Variants in SNX29 observed in about 807,000 individuals in gnomAD.
The protein encoded by SNX29 is sorting nexin-29.
SNX29 carries 78 observed loss-of-function variants against 102.1 expected under a neutral mutation model. That is an observed-to-expected ratio of 0.76 (90% CI 0.64 to 0.92). The LOEUF (loss-of-function observed/expected upper bound fraction) is 0.92, where lower values mean the gene tolerates loss of function less well. Among genes scored for constraint, SNX29 ranks in the 40% least tolerant of loss-of-function variants. The pLI, the probability that SNX29 is intolerant of heterozygous loss-of-function variation, is 0.00. For missense variants in SNX29, 1,280 were observed against 1,061.7 expected (o/e 1.21, Z -2.86); for synonymous variants, 580 against 414.5 (o/e 1.40, Z -4.85).
intron 11 of SNX29, among the ~76,000 whole-genome samples, chr16:12,083,007 A>C (rs2869808): frequency 0.22 from 33,147 of 151,986 alleles, 3,813 homozygotes; most frequent in South Asian, 0.31. Flanking sequence ...TTCAACAACA[A>C]AAACTTATTT....
At chr16:12,085,439 G>T (rs543562690) in intron 11 of SNX29, among the ~76,000 whole-genome samples, 48 of 152,292 alleles carry the variant, frequency 3.2e-4, no homozygotes, top group African/African-American at 1.1e-3. Context: ...TGATTCTACT[G>T]CCTCTGCCTT....
intron 19 of SNX29, among the ~76,000 whole-genome samples, chr16:12,501,406 T>C (rs556942383): frequency 6.6e-6 from 1 of 151,336 alleles, no homozygotes; most frequent in South Asian, 2.1e-4. Flanking sequence ...GCTATCTCTT[T>C]AAAAACAAAC....
At chr16:12,288,508 G>A (rs574962886) in intron 15 of SNX29, among the ~76,000 whole-genome samples, 7 of 152,128 alleles carry the variant, frequency 4.6e-5, no homozygotes, top group Non-Finnish European at 1.0e-4. Context: ...CTGTGACACC[G>A]CCACTTCAAT....
intron 19 of SNX29, among the ~76,000 whole-genome samples, chr16:12,514,125 A>G (rs1471440316): frequency 1.3e-5 from 2 of 152,240 alleles, no homozygotes; most frequent in Non-Finnish European, 2.9e-5. Context: ...CAGCTGGCTA[A>G]TGCTTGAAAG....
intron 19 of SNX29, among the ~76,000 whole-genome samples, chr16:12,484,248 C>T (rs2088116671): frequency 6.6e-6 from 1 of 151,980 alleles, no homozygotes; most frequent in African/African-American, 2.4e-5. Context: ...TCCCCGGCTC[C>T]AGCCATCCTT....
intron 16 of SNX29, among the ~76,000 whole-genome samples, chr16:12,386,405 C>T (rs138465300): frequency 3.3e-5 from 5 of 152,186 alleles, no homozygotes; most frequent in East Asian, 3.9e-4. Context: ...GAGGAGGAAG[C>T]GAAGGGCAGA....
chr16:12,222,459 C>T (rs1239329692), intron 14 of SNX29, among the ~76,000 whole-genome samples: 1 of 152,200 alleles, frequency 6.6e-6, no homozygotes, highest in Non-Finnish European at 1.5e-5. Flanking sequence ...TGTATGTTTA[C>T]ATCGAATGGA....
At chr16:12,553,699 T>G (rs116556207) in intron 20 of SNX29, among the ~76,000 whole-genome samples, 2,328 of 151,362 alleles carry the variant, frequency 0.015, 54 homozygotes, top group African/African-American at 0.053. Flanking sequence ...CAAACAATTC[T>G]GCCTCAGCCT....
intron 18 of SNX29, among the ~76,000 whole-genome samples, chr16:12,422,432 G>A: frequency 6.6e-6 from 1 of 152,194 alleles, no homozygotes; most frequent in East Asian, 1.9e-4. Flanking sequence ...GGCAGACTTG[G>A]TAACATAACT....
At chr16:12,024,092 C>A (rs2057117051) in intron 3 of SNX29, among the ~76,000 whole-genome samples, 1 of 151,500 alleles carries the variant, frequency 6.6e-6, no homozygotes, top group African/African-American at 2.4e-5. Context: ...AATGAGGAAA[C>A]ATTCAGGAAG....
At chr16:12,189,230 C>T (rs769750503) in intron 13 of SNX29, among the ~76,000 whole-genome samples, 1 of 152,238 alleles carries the variant, frequency 6.6e-6, no homozygotes, top group Non-Finnish European at 1.5e-5. Flanking sequence ...TGACACATTT[C>T]TGCTGTCTAA....
chr16:12,091,321 G>T lies in SNX29; in HGVS notation c.1402+12406G>T, dbSNP rs1322473647. ...TGTAATGCCCCACCTTCAGAGAAAA[G>T]CACCCAGGTCTCAGGATGTCCCCTT... is the stretch of plus-strand genomic sequence containing the variant. On this transcript the variant is annotated intron_variant, in intron 11 of 20. Coordinates refer to ENST00000566228, the MANE Select transcript of SNX29 (RefSeq NM_032167.5). 2.6e-5 allele frequency among the ~76,000 whole-genome samples: 4 copies of T among 152,106 alleles called. No individual in the cohort carries two copies. In the East Asian group the frequency reaches 5.8e-4, roughly 22 times the overall value.
In SNX29 at chr16:12,548,332, C is replaced by T. The variant is rs114528983; in HGVS notation, c.2319-20174C>T. Among the ~76,000 whole-genome samples, 788 of 152,306 alleles carry T rather than the reference C, an allele frequency of 5.2e-3. 5 individuals carry two copies. The highest frequency in any genetic ancestry group is 0.018 in the African/African-American group (765 of 41,564). The stretch of plus-strand genomic sequence containing the variant: ...CCCTACTCTCCTGGCTTGGTGCCTC[C>T]ATGGGGAATGACAGTGGGCACTCTG... On this transcript the variant is annotated intron_variant, in intron 20 of 20. Transcript: ENST00000566228.
chr16:12,139,983 A>G (rs994210128), intron 13 of SNX29, among the ~76,000 whole-genome samples: 5 of 149,648 alleles, frequency 3.3e-5, no homozygotes, highest in African/African-American at 1.2e-4. Context: ...CCTGTCTCAA[A>G]AAAAAAAAAA....
At chr16:12,277,517 T>G (rs573565203) in intron 14 of SNX29, among the ~76,000 whole-genome samples, 2 of 152,360 alleles carry the variant, frequency 1.3e-5, no homozygotes, top group East Asian at 3.9e-4. Flanking sequence ...CAAGATTATT[T>G]CTTGACTCCT....
Position 12,043,066 on chromosome 16 carries a change from C to T in SNX29, c.417C>T (p.Arg139=), listed in dbSNP as rs1480888502. The change falls in exon 5 of 21, where the codon CGC becomes CGT. Residue 139 remains arginine, a synonymous_variant. Coordinates refer to ENST00000566228, the MANE Select transcript of SNX29 (RefSeq NM_032167.5). ...ERYLHMLLAD[R]CRLSTFYEDW... is the part of the protein sequence containing the mutation. ...ACCTGCACATGCTCCTGGCCGACCGCTGCAGGCTGAGGTACGTGGCCGGGA... is the reference window on the plus strand; with the variant it reads ...ACCTGCACATGCTCCTGGCCGACCGTTGCAGGCTGAGGTACGTGGCCGGGA... 2 of 1,613,292 alleles carry T rather than the reference C, an allele frequency of 1.2e-6. No individual in the cohort carries two copies. The highest frequency in any genetic ancestry group is 1.7e-6 in the Non-Finnish European group (2 of 1,179,830).
At chr16:12,471,788 A>G (rs2087353016) in intron 18 of SNX29, among the ~76,000 whole-genome samples, 1 of 152,274 alleles carries the variant, frequency 6.6e-6, no homozygotes, top group South Asian at 2.1e-4. Context: ...ACTTCTGTAT[A>G]GACCTTTATA....
At chr16:12,466,724 G>A (rs1372542177) in intron 18 of SNX29, among the ~76,000 whole-genome samples, 1 of 152,152 alleles carries the variant, frequency 6.6e-6, no homozygotes, top group African/African-American at 2.4e-5. Flanking sequence ...TTAGTTTTCT[G>A]GCAGGGGCTG....
intron 18 of SNX29, among the ~76,000 whole-genome samples, chr16:12,414,808 G>C (rs561423399): frequency 6.6e-6 from 1 of 152,170 alleles, no homozygotes; most frequent in Non-Finnish European, 1.5e-5. Flanking sequence ...AGCAACCTTC[G>C]CCTCCGGGGT....
Sources: gnomAD v4.1 joint callset for allele counts (sites outside exome capture counted in the v4.1 genomes callset) on GRCh38, gnomAD v4.1.1 for gene constraint, MANE v1.5 for transcripts, NCBI Gene and HGNC (gene_info 2026-07-23, HGNC 2026-07-21) for gene names.